Variants in CDH13 observed in about 807,000 individuals in gnomAD.
CDH13 encodes the protein cadherin-13.
CDH13 carries 24 observed loss-of-function variants against 63.8 expected under a neutral mutation model. The observed-to-expected ratio is 0.38, with a 90% confidence interval of 0.27 to 0.53. CDH13 has a LOEUF of 0.53. Ranked by LOEUF, CDH13 falls within the 20% of genes least tolerant of loss-of-function variation. The pLI, the probability that CDH13 is intolerant of heterozygous loss-of-function variation, is 0.85. For synonymous variants in CDH13, 503 were observed against 355.3 expected (o/e 1.42, Z -4.67); for missense variants, 1,049 against 903.1 (o/e 1.16, Z -2.07).
intron 13 of CDH13, among the ~76,000 whole-genome samples, chr16:83,788,185 C>G (rs982510367): frequency 6.6e-6 from 1 of 152,170 alleles, no homozygotes; most frequent in African/African-American, 2.4e-5. Context: ...AAGCCTCACT[C>G]CGTGACATCT....
intron 1 of CDH13, among the ~76,000 whole-genome samples, chr16:82,683,179 C>G (rs1454178839): frequency 6.6e-6 from 1 of 152,146 alleles, no homozygotes; most frequent in Non-Finnish European, 1.5e-5. Flanking sequence ...CTGGTGTGGT[C>G]TTACTAAACC....
chr16:83,203,232 A>T (rs1479674333), intron 4 of CDH13, among the ~76,000 whole-genome samples: 3 of 152,142 alleles, frequency 2.0e-5, no homozygotes, highest in Non-Finnish European at 4.4e-5. Flanking sequence ...CTCAAAAAAC[A>T]AACAAACAAA....
chr16:82,801,644 A>G (rs2036860036), intron 1 of CDH13, among the ~76,000 whole-genome samples: 1 of 152,208 alleles, frequency 6.6e-6, no homozygotes, highest in Non-Finnish European at 1.5e-5. Flanking sequence ...AGGGAAGTAC[A>G]AAGCTTAACC....
chr16:82,883,470 AAC>A (rs1484428177), intron 2 of CDH13, among the ~76,000 whole-genome samples: 13 of 152,336 alleles, frequency 8.5e-5, no homozygotes, highest in Middle Eastern at 6.8e-3. Context: ...ATCAGGCTGG[AAC>A]ACAGGAATCT....
intron 2 of CDH13, among the ~76,000 whole-genome samples, chr16:82,932,757 C>G (rs2042539476): frequency 6.6e-6 from 1 of 152,130 alleles, no homozygotes; most frequent in African/African-American, 2.4e-5. Context: ...CTTTTCATAA[C>G]AAATTCAGAA....
intron 7 of CDH13, among the ~76,000 whole-genome samples, chr16:83,554,221 A>C (rs2075561531): frequency 6.7e-6 from 1 of 149,750 alleles, no homozygotes; most frequent in Non-Finnish European, 1.5e-5. Context: ...ACACTTACTT[A>C]AAAAAAAAAT....
At chr16:83,680,795 G>T (rs1208801347) in intron 10 of CDH13, among the ~76,000 whole-genome samples, 1 of 151,958 alleles carries the variant, frequency 6.6e-6, no homozygotes, top group Admixed American at 6.6e-5. Flanking sequence ...TGCCAAAAGG[G>T]GTCCTGCTTA....
chr16:83,793,934 G>C (rs1410426971), intron 13 of CDH13, among the ~76,000 whole-genome samples: 2 of 152,170 alleles, frequency 1.3e-5, no homozygotes, highest in African/African-American at 4.8e-5. Context: ...AGGGACAAAG[G>C]AAGAGTCGAT....
intron 8 of CDH13, among the ~76,000 whole-genome samples, chr16:83,605,495 A>G (rs1018581800): frequency 6.6e-6 from 1 of 152,180 alleles, no homozygotes; most frequent in Non-Finnish European, 1.5e-5. Context: ...TGGTGGGAGC[A>G]TGTTAAGTGC....
chr16:83,652,511 GGAA>G (rs1229680874), intron 8 of CDH13, among the ~76,000 whole-genome samples: 2 of 152,160 alleles, frequency 1.3e-5, no homozygotes, highest in Admixed American at 6.5e-5. Context: ...ATGGAAATTG[GGAA>G]GAAGGAGGGT....
At chr16:82,784,189 A>G (rs1469606618) in intron 1 of CDH13, among the ~76,000 whole-genome samples, 2 of 152,168 alleles carry the variant, frequency 1.3e-5, no homozygotes, top group African/African-American at 2.4e-5. Flanking sequence ...TGTTTCTTCT[A>G]TGAAGCTGCT....
At chr16:83,009,907 G>A (rs1913946792) in intron 2 of CDH13, among the ~76,000 whole-genome samples, 1 of 152,124 alleles carries the variant, frequency 6.6e-6, no homozygotes, top group Non-Finnish European at 1.5e-5. Context: ...GCCAAGGCAG[G>A]TGGATCACCT....
At chr16:83,434,266 T>C (rs922632738) in intron 6 of CDH13, among the ~76,000 whole-genome samples, 2 of 152,206 alleles carry the variant, frequency 1.3e-5, no homozygotes, top group Non-Finnish European at 2.9e-5. Context: ...GGGAGAATCA[T>C]AGGGCTTGGA....
At chr16:83,140,020 C>G (rs937495226) in intron 4 of CDH13, among the ~76,000 whole-genome samples, 2 of 152,084 alleles carry the variant, frequency 1.3e-5, no homozygotes, top group Non-Finnish European at 2.9e-5. Context: ...ATAAATATCC[C>G]TGAGTCCCAC....
intron 13 of CDH13, 44 bp from the exon 14 acceptor site, chr16:83,794,979 G>T: frequency 1.3e-6 from 2 of 1,566,458 alleles, no homozygotes; most frequent in East Asian, 2.3e-5. Flanking sequence ...GTTTTGAATT[G>T]AGTGGTGATA....
At chr16:83,384,066 C>G (rs2091624115) in intron 6 of CDH13, among the ~76,000 whole-genome samples, 1 of 152,158 alleles carries the variant, frequency 6.6e-6, no homozygotes, top group South Asian at 2.1e-4. Context: ...ATGTCTACAA[C>G]TACTGTATCT....
chr16:82,901,635 A>C (rs531244510), intron 2 of CDH13, among the ~76,000 whole-genome samples: 2 of 152,226 alleles, frequency 1.3e-5, no homozygotes, highest in Non-Finnish European at 2.9e-5. Flanking sequence ...AGTAAGGAAT[A>C]AAAGAACCAA....
At chr16:83,494,031 G>C (rs372664667) in intron 7 of CDH13, among the ~76,000 whole-genome samples, 3 of 152,326 alleles carry the variant, frequency 2.0e-5, no homozygotes, top group African/African-American at 4.8e-5. Flanking sequence ...TAAAGTATCA[G>C]ACAATCAGTA....
chr16:83,332,784 A>G (rs894477218), intron 5 of CDH13, among the ~76,000 whole-genome samples: 7 of 152,212 alleles, frequency 4.6e-5, no homozygotes, highest in African/African-American at 1.7e-4. Flanking sequence ...TATTTTGAAT[A>G]TCTGCATAGA....
Sources: gnomAD v4.1 joint callset for allele counts (sites outside exome capture counted in the v4.1 genomes callset) on GRCh38, gnomAD v4.1.1 for gene constraint, MANE v1.5 for transcripts, NCBI Gene and HGNC (gene_info 2026-07-23, HGNC 2026-07-21) for gene names.